Variants in MACROD2 observed in about 807,000 individuals in gnomAD.
MACROD2 encodes the protein ADP-ribose glycohydrolase MACROD2.
A neutral mutation model predicts 70.4 loss-of-function variants in MACROD2; 36 were observed. The observed-to-expected ratio is 0.51, with a 90% confidence interval of 0.39 to 0.68. MACROD2 has a LOEUF of 0.68. Among genes scored for constraint, MACROD2 ranks in the 30% least tolerant of loss-of-function variants. MACROD2 has a pLI of 0.00. For missense variants in MACROD2, 496 were observed against 538.4 expected (o/e 0.92, Z 0.78); for synonymous variants, 172 against 178.8 (o/e 0.96, Z 0.30).
At chr20:15,362,099 C>A (rs2078359117) in intron 6 of MACROD2, among the ~76,000 whole-genome samples, 1 of 151,580 alleles carries the variant, frequency 6.6e-6, no homozygotes, top group Non-Finnish European at 1.5e-5. Context: ...GCAACCTCCG[C>A]CTCCCGGGTT....
chr20:15,307,692 A>T (rs1474010150), intron 6 of MACROD2, among the ~76,000 whole-genome samples: 1 of 152,158 alleles, frequency 6.6e-6, no homozygotes, highest in Non-Finnish European at 1.5e-5. Flanking sequence ...TAATTTATGC[A>T]CCTTGTTCAA....
chr20:14,554,143 A>G (rs906578166), intron 4 of MACROD2, among the ~76,000 whole-genome samples: 6 of 152,044 alleles, frequency 3.9e-5, no homozygotes, highest in Non-Finnish European at 7.4e-5. Flanking sequence ...TTTTCTCTTC[A>G]TTCCTCAAAA....
At chr20:14,826,388 G>T (rs1418307630) in intron 5 of MACROD2, among the ~76,000 whole-genome samples, 2 of 151,870 alleles carry the variant, frequency 1.3e-5, no homozygotes, top group Admixed American at 1.3e-4. Context: ...AATTCTTTTT[G>T]AATTTTTCTT....
At chr20:15,158,709 G>A (rs1487651001) in intron 5 of MACROD2, among the ~76,000 whole-genome samples, 1 of 152,082 alleles carries the variant, frequency 6.6e-6, no homozygotes, top group Admixed American at 6.6e-5. Flanking sequence ...GGCAATATTA[G>A]TCATTTTCTT....
chr20:14,147,876 T>G (rs979704051), intron 3 of MACROD2, among the ~76,000 whole-genome samples: 2 of 152,178 alleles, frequency 1.3e-5, no homozygotes, highest in Non-Finnish European at 2.9e-5. Context: ...CTTTTTTCTT[T>G]TTAATGGAAA....
intron 8 of MACROD2, among the ~76,000 whole-genome samples, chr20:15,821,190 T>C (rs2063934676): frequency 6.6e-6 from 1 of 152,198 alleles, no homozygotes; most frequent in Non-Finnish European, 1.5e-5. Flanking sequence ...AAAGCATTGC[T>C]TGTCTTCATA....
intron 8 of MACROD2, among the ~76,000 whole-genome samples, chr20:15,519,104 TTC>T (rs2047611963): frequency 2.7e-5 from 4 of 149,148 alleles, no homozygotes; most frequent in African/African-American, 9.9e-5. Context: ...CCTTCCTTCC[TTC>T]CTTCCTTCCT....
At chr20:15,097,982 A>C (rs2075846430) in intron 5 of MACROD2, among the ~76,000 whole-genome samples, 1 of 152,136 alleles carries the variant, frequency 6.6e-6, no homozygotes, top group African/African-American at 2.4e-5. Context: ...ACTTATCACA[A>C]ATGTTATTTG....
intron 13 of MACROD2, among the ~76,000 whole-genome samples, chr20:15,979,020 A>G (rs1032502089): frequency 7.2e-5 from 11 of 152,346 alleles, no homozygotes; most frequent in African/African-American, 2.6e-4. Context: ...AGGAGTGGAT[A>G]TCACACAAAA....
intron 5 of MACROD2, among the ~76,000 whole-genome samples, chr20:14,939,517 G>A (rs186104945): frequency 2.0e-5 from 3 of 152,102 alleles, no homozygotes; most frequent in African/African-American, 7.2e-5. Context: ...TTAAAGTTGG[G>A]TAGTGTGATG....
chr20:15,568,300 C>T (rs1249186769), intron 8 of MACROD2, among the ~76,000 whole-genome samples: 1 of 152,140 alleles, frequency 6.6e-6, no homozygotes, highest in African/African-American at 2.4e-5. Flanking sequence ...GGGTAGAGGA[C>T]ACATCTGTAT....
At chr20:15,317,226 A>G (rs1324574921) in intron 6 of MACROD2, among the ~76,000 whole-genome samples, 1 of 152,122 alleles carries the variant, frequency 6.6e-6, no homozygotes, top group Non-Finnish European at 1.5e-5. Flanking sequence ...TAAATGAAAT[A>G]GAGGATAGAA....
chr20:14,565,024 C>A (rs1332271131), intron 4 of MACROD2, among the ~76,000 whole-genome samples: 1 of 151,910 alleles, frequency 6.6e-6, no homozygotes, highest in Non-Finnish European at 1.5e-5. Context: ...GAAATCATGT[C>A]TTTTGCAGCA....
chr20:15,254,526 C>G (rs1282257548), intron 6 of MACROD2, among the ~76,000 whole-genome samples: 1 of 152,090 alleles, frequency 6.6e-6, no homozygotes, highest in Non-Finnish European at 1.5e-5. Flanking sequence ...CTTTTCTCAT[C>G]TGTAGACTGG....
At chr20:14,656,501 T>C (rs571994486) in intron 4 of MACROD2, among the ~76,000 whole-genome samples, 1 of 152,344 alleles carries the variant, frequency 6.6e-6, no homozygotes, top group African/African-American at 2.4e-5. Context: ...ATTTGAACAT[T>C]TTCCTCTCTC....
chr20:15,649,225 TC>T (rs2049606785), intron 8 of MACROD2, among the ~76,000 whole-genome samples: 1 of 147,720 alleles, frequency 6.8e-6, no homozygotes, highest in Non-Finnish European at 1.5e-5. Context: ...TTTCTTTCTT[TC>T]TTTCTTTCTT....
intron 5 of MACROD2, among the ~76,000 whole-genome samples, chr20:15,137,715 T>TA (rs563307521): frequency 1.2e-4 from 18 of 150,482 alleles, no homozygotes; most frequent in East Asian, 5.8e-4. Flanking sequence ...ATAATAATAA[T>TA]AAAAAAAAAT....
At chr20:15,132,570 C>T (rs542573371) in intron 5 of MACROD2, among the ~76,000 whole-genome samples, 1 of 151,966 alleles carries the variant, frequency 6.6e-6, no homozygotes, top group African/African-American at 2.4e-5. Flanking sequence ...AACTACCTCA[C>T]TGGCCAATAT....
intron 4 of MACROD2, among the ~76,000 whole-genome samples, chr20:14,601,334 T>C (rs1019372635): frequency 6.6e-6 from 1 of 152,092 alleles, no homozygotes; most frequent in East Asian, 1.9e-4. Flanking sequence ...CAGTTCACAA[T>C]AGGGTTAGTG....
Sources: allele counts gnomAD v4.1 joint callset (sites outside exome capture counted in the v4.1 genomes callset), GRCh38; gene constraint gnomAD v4.1.1; transcripts MANE v1.5; gene names NCBI Gene and HGNC (gene_info 2026-07-23, HGNC 2026-07-21).